The following ATP11A variants were observed in gnomAD, a reference collection of about 807,000 sequenced individuals.
The protein encoded by ATP11A is phospholipid-transporting ATPase IH.
ATP11A carries 81 observed loss-of-function variants against 154.4 expected under a neutral mutation model. The ratio of observed to expected loss-of-function variants is 0.52; its 90% CI spans 0.44 to 0.63. The LOEUF is 0.63. Among genes scored for constraint, ATP11A ranks in the 30% least tolerant of loss-of-function variants. The probability of loss-of-function intolerance (pLI) is 0.00; values close to 1 mark genes in which losing one functional copy is unlikely to be tolerated. For missense variants in ATP11A, 1,316 were observed against 1,474.3 expected, an observed-to-expected ratio of 0.89 and a Z score of 1.76; for synonymous variants, 623 against 585.9, an observed-to-expected ratio of 1.06 and a Z score of -0.91.
rs575941967 is a variant in ATP11A, at chr13:112,705,212, C to T, written c.39+14757C>T. ...AAAGCTGGAGCGACTGTCATGGTGGCTGGAGTTTCCTTTTGTCCTCATTTC... is the reference window on the plus strand; with the variant it reads ...AAAGCTGGAGCGACTGTCATGGTGGTTGGAGTTTCCTTTTGTCCTCATTTC... On this transcript the variant is annotated intron_variant, in intron 1 of 29. Coordinates refer to ENST00000375645, the MANE Select transcript of ATP11A (RefSeq NM_015205.3). 2.7e-5 allele frequency among the ~76,000 whole-genome samples: 4 copies of T among 150,400 alleles called. No individual in the cohort carries two copies. The East Asian group carries it at 5.8e-4, about 22-fold the overall frequency.
At chr13:112,710,702 C>G (rs963526441) in intron 1 of ATP11A, among the ~76,000 whole-genome samples, 1 of 152,230 alleles carries the variant, frequency 6.6e-6, no homozygotes, top group Non-Finnish European at 1.5e-5. Context: ...AGGGCGTTCA[C>G]AGGTGGTGAG....
At chr13:112,879,726 C>G (rs542049774) in intron 29 of ATP11A, among the ~76,000 whole-genome samples, 1 of 152,332 alleles carries the variant, frequency 6.6e-6, no homozygotes, top group East Asian at 1.9e-4. Flanking sequence ...CACGCCGTGG[C>G]GCCGAGACCA....
Position 112,766,790 on chromosome 13 carries a change from ATG to A in ATP11A, c.40-18342_40-18341del, listed in dbSNP as rs2077088026. On this transcript the variant is annotated intron_variant, in intron 1 of 29. Coordinates refer to ENST00000375645, the MANE Select transcript of ATP11A (RefSeq NM_015205.3). The stretch of plus-strand genomic sequence containing the variant: ...TTGAACATGGATTCCTGTGAGGAGG[ATG>A]TGGGGGCGTTGGGGGCCACTGTGGG... Among the ~76,000 whole-genome samples, 8 of 134,286 alleles carry A rather than the reference ATG, an allele frequency of 6.0e-5. 4 individuals are homozygous for A. The highest frequency in any genetic ancestry group is 5.1e-4 in the South Asian group (2 of 3,926). 88.1% of individuals were successfully genotyped at this position (134,286 alleles called of 152,430 possible). A position where few individuals can be genotyped will look rare whatever the true frequency, so the allele number is the denominator to read the frequency against.
chr13:112,721,885 G>C (rs1351898944), intron 1 of ATP11A, among the ~76,000 whole-genome samples: 1 of 152,236 alleles, frequency 6.6e-6, no homozygotes, highest in African/African-American at 2.4e-5. Flanking sequence ...AGGTTCACCA[G>C]GCCGTCAGCA....
intron 18 of ATP11A, 107 bp downstream of exon 18, chr13:112,851,325 G>T: frequency 9.1e-7 from 1 of 1,103,366 alleles, no homozygotes; most frequent in East Asian, 2.4e-5. Context: ...CCGCACAGCC[G>T]ACGGGGCGTG....
chr13:112,857,972 G>A (rs774243437), intron 21 of ATP11A, 52 bp downstream of exon 21: 55 of 1,596,184 alleles, frequency 3.4e-5, no homozygotes, highest in Admixed American at 1.0e-4. Context: ...TCACCCCTTC[G>A]CTAGACAAAG....
At chr13:112,794,801 G>A (rs2077954975) in intron 2 of ATP11A, among the ~76,000 whole-genome samples, 1 of 152,166 alleles carries the variant, frequency 6.6e-6, no homozygotes, top group Non-Finnish European at 1.5e-5. Context: ...CCGGGAGGCA[G>A]AGGTTGCAGT....
intron 1 of ATP11A, among the ~76,000 whole-genome samples, chr13:112,723,547 C>T (rs1052605555): frequency 2.4e-4 from 36 of 151,026 alleles, no homozygotes; most frequent in Admixed American, 9.2e-4. Flanking sequence ...GCTGGGATTA[C>T]AGGCGTGAGC....
intron 8 of ATP11A, among the ~76,000 whole-genome samples, chr13:112,821,058 G>GT (rs1210355723): frequency 6.6e-6 from 1 of 152,156 alleles, no homozygotes; most frequent in Non-Finnish European, 1.5e-5. Context: ...GTTTGCCTAC[G>GT]TATATACTGT....
chr13:112,780,625 G>A (rs148791680), intron 1 of ATP11A, among the ~76,000 whole-genome samples: 20 of 152,246 alleles, frequency 1.3e-4, no homozygotes, highest in Middle Eastern at 3.4e-3. Context: ...GGAGTCGCTC[G>A]AGATGTTTCC....
chr13:112,702,197 T>C (rs751334586), intron 1 of ATP11A, among the ~76,000 whole-genome samples: 2 of 151,298 alleles, frequency 1.3e-5, no homozygotes, highest in South Asian at 2.1e-4. Flanking sequence ...AATACAAAAA[T>C]TAGCTGGGCA....
intron 1 of ATP11A, among the ~76,000 whole-genome samples, chr13:112,724,283 C>T (rs979603651): frequency 6.6e-6 from 1 of 151,828 alleles, no homozygotes. Context: ...CGGCCTGCTT[C>T]AGACACAGCT....
Position 112,858,063 on chromosome 13 carries a change from T to G in ATP11A, c.2522-82T>G, listed in dbSNP as rs1458176165. On this transcript the variant is annotated intron_variant, in intron 21 of 29. Coordinates refer to ENST00000375645, the MANE Select transcript of ATP11A (RefSeq NM_015205.3). Reference sequence around the variant, plus strand: ...GACCGGGAAGGCTCATGATGATGGTTTCATCCGTTCTTCTCCCCGTCCCTG... The same window carrying G: ...GACCGGGAAGGCTCATGATGATGGTGTCATCCGTTCTTCTCCCCGTCCCTG... 27 of 1,581,624 alleles carry G rather than the reference T, an allele frequency of 1.7e-5. No homozygotes were observed. In the East Asian group the frequency reaches 6.1e-4, roughly 36 times the overall value.
intron 1 of ATP11A, among the ~76,000 whole-genome samples, chr13:112,735,346 CGA>C (rs1890889812): frequency 6.6e-6 from 1 of 152,184 alleles, no homozygotes; most frequent in South Asian, 2.1e-4. Flanking sequence ...GGCAGCCCAG[CGA>C]TATAGCCTTC....
Position 112,819,892 on chromosome 13 carries a change from G to T in ATP11A, c.675-8G>T, listed in dbSNP as rs763504140. The stretch of plus-strand genomic sequence containing the variant: ...GTCCGGTCAGTAACGTGGCTTTTCT[G>T]TCGCCAGGTTCGTGGGTCGCATCAA... On this transcript the variant is annotated splice_polypyrimidine_tract_variant and splice_region_variant and intron_variant, in intron 7 of 29. Coordinates refer to ENST00000375645, the MANE Select transcript of ATP11A (RefSeq NM_015205.3). 6.2e-7 allele frequency: 1 copy of T among 1,614,102 alleles called. No homozygotes were observed. The highest frequency in any genetic ancestry group is 8.5e-7 in the Non-Finnish European group (1 of 1,180,012).
chr13:112,788,592 G>A (rs2077730527), intron 2 of ATP11A, among the ~76,000 whole-genome samples: 2 of 149,780 alleles, frequency 1.3e-5, no homozygotes, highest in Admixed American at 1.3e-4. Context: ...CTGATGTGTA[G>A]ACCCCTGCGG....
At chr13:112,765,373 G>C (rs574121384) in intron 1 of ATP11A, among the ~76,000 whole-genome samples, 8 of 152,240 alleles carry the variant, frequency 5.3e-5, no homozygotes, top group East Asian at 1.9e-4. Context: ...TCCTGGCCTG[G>C]GGGGGTCGTG....
chr13:112,848,977 C>G (rs1266982351), intron 17 of ATP11A, among the ~76,000 whole-genome samples: 1 of 152,258 alleles, frequency 6.6e-6, no homozygotes, highest in African/African-American at 2.4e-5. Flanking sequence ...CGTGAGCCAT[C>G]ATGCCTTGCT....
chr13:112,791,736 C>T (rs926721754), intron 2 of ATP11A, among the ~76,000 whole-genome samples: 17 of 152,336 alleles, frequency 1.1e-4, no homozygotes, highest in Middle Eastern at 3.4e-3. Flanking sequence ...CTCTCTCCCC[C>T]TCGGCTGGGC....
Sources: gnomAD v4.1 joint callset for allele counts (sites outside exome capture counted in the v4.1 genomes callset) on GRCh38, gnomAD v4.1.1 for gene constraint, MANE v1.5 for transcripts, NCBI Gene and HGNC (gene_info 2026-07-23, HGNC 2026-07-21) for gene names.